RTN4RL1: variants seen among roughly 807,000 people sequenced by gnomAD.
RTN4RL1 encodes the protein reticulon-4 receptor-like 1.
A neutral mutation model predicts 25.6 loss-of-function variants in RTN4RL1; 7 were observed. The ratio of observed to expected loss-of-function variants is 0.27; its 90% CI spans 0.16 to 0.51. The LOEUF is 0.51. Among genes scored for constraint, RTN4RL1 ranks in the 20% least tolerant of loss-of-function variants. The probability of loss-of-function intolerance (pLI) is 0.97; values close to 1 mark genes in which losing one functional copy is unlikely to be tolerated. For missense variants in RTN4RL1, 500 were observed against 615.6 expected, an observed-to-expected ratio of 0.81 and a Z score of 1.99; for synonymous variants, 297 against 288.2, an observed-to-expected ratio of 1.03 and a Z score of -0.31.
intron 1 of RTN4RL1, among the ~76,000 whole-genome samples, chr17:1,961,975 A>AAAAG (rs1567510441): frequency 7.7e-6 from 1 of 129,418 alleles, no homozygotes; most frequent in East Asian, 2.1e-4. Flanking sequence ...GAAAAGAAAG[A>AAAAG]AAAGAAAGAA....
Position 1,980,151 on chromosome 17 carries a change from C to A in RTN4RL1, c.14-42343G>T, listed in dbSNP as rs1472024039. Among the ~76,000 whole-genome samples the A allele has an allele frequency of 2.5e-3, 367 of 149,608 alleles. 2 individuals carry two copies. The highest frequency in any genetic ancestry group is 8.8e-3 in the African/African-American group (344 of 39,092). ...CAATCACGGCTCACCAAAGCCTTGA[C>A]CTCCCAGGCTCAGGTGATCCTCCCA... is the stretch of plus-strand genomic sequence containing the variant. On this transcript the variant is annotated intron_variant, in intron 1 of 1. Coordinates refer to ENST00000331238, the MANE Select transcript of RTN4RL1 (RefSeq NM_178568.4).
chr17:1,979,843 C>T (rs916086424), intron 1 of RTN4RL1, among the ~76,000 whole-genome samples: 18 of 152,142 alleles, frequency 1.2e-4, no homozygotes, highest in African/African-American at 3.6e-4. Context: ...TGCCGCTTAC[C>T]GCTAGGCAGG....
intron 1 of RTN4RL1, among the ~76,000 whole-genome samples, chr17:2,012,939 A>C (rs2067068707): frequency 6.6e-6 from 1 of 152,066 alleles, no homozygotes; most frequent in Admixed American, 6.6e-5. Context: ...AATTATAGGC[A>C]CACGCCACCA....
intron 1 of RTN4RL1, among the ~76,000 whole-genome samples, chr17:1,983,503 A>T (rs966971485): frequency 6.6e-6 from 1 of 152,154 alleles, no homozygotes; most frequent in Non-Finnish European, 1.5e-5. Flanking sequence ...GGCTCAAGCG[A>T]TCCTCCCACC....
At chr17:1,945,806 G>A (rs1408626787) in intron 1 of RTN4RL1, among the ~76,000 whole-genome samples, 1 of 152,226 alleles carries the variant, frequency 6.6e-6, no homozygotes, top group African/African-American at 2.4e-5. Flanking sequence ...AGTACCCTCA[G>A]GGCCCAGAAC....
intron 1 of RTN4RL1, among the ~76,000 whole-genome samples, chr17:2,011,355 G>A (rs2067047260): frequency 6.6e-6 from 1 of 152,248 alleles, no homozygotes; most frequent in Admixed American, 6.5e-5. Flanking sequence ...CTCATCCATG[G>A]ATAAAGAACT....
intron 1 of RTN4RL1, among the ~76,000 whole-genome samples, chr17:1,979,176 G>A (rs1597224232): frequency 6.6e-6 from 1 of 152,348 alleles, no homozygotes; most frequent in East Asian, 1.9e-4. Flanking sequence ...AGGAGGCTGA[G>A]GCAGGAGAAT....
intron 1 of RTN4RL1, among the ~76,000 whole-genome samples, chr17:2,008,269 C>G (rs1305369731): frequency 2.1e-5 from 2 of 93,264 alleles, no homozygotes; most frequent in African/African-American, 4.0e-5. Flanking sequence ...GACTCCATCT[C>G]AAAAAAAAAA....
chr17:1,984,190 C>G (rs1015410895), intron 1 of RTN4RL1, among the ~76,000 whole-genome samples: 2 of 152,212 alleles, frequency 1.3e-5, no homozygotes, highest in African/African-American at 4.8e-5. Flanking sequence ...ATTCTCCCCC[C>G]TAAAATGCAC....
At position 1,942,239 on chromosome 17, in the gene RTN4RL1, G is replaced by T. The variant is rs565023625; in HGVS notation, c.14-4431C>A. ...TGCTCGGGTATCCCCAAACCTCCTG[G>T]CCTCCCACATGCCTGAGCTCACCCG... On this transcript the variant is annotated intron_variant, in intron 1 of 1. Coordinates refer to ENST00000331238, the MANE Select transcript of RTN4RL1 (RefSeq NM_178568.4). Among the ~76,000 whole-genome samples, 10 of 152,238 alleles carry T rather than the reference G, an allele frequency of 6.6e-5. No individual in the cohort carries two copies. The South Asian group carries it at 1.4e-3, about 22-fold the overall frequency.
chr17:2,002,348 A>C (rs1019406077), intron 1 of RTN4RL1, among the ~76,000 whole-genome samples: 2 of 147,242 alleles, frequency 1.4e-5, no homozygotes, highest in Non-Finnish European at 3.0e-5. Flanking sequence ...GCTGGAGTGC[A>C]GTGGCGCGAT....
intron 1 of RTN4RL1, among the ~76,000 whole-genome samples, chr17:1,962,786 C>T (rs941830653): frequency 6.7e-6 from 1 of 150,094 alleles, no homozygotes; most frequent in African/African-American, 2.5e-5. Context: ...TAGCTTGAAC[C>T]AGGAGGCAGA....
chr17:1,991,754 G>C (rs184691351), intron 1 of RTN4RL1, among the ~76,000 whole-genome samples: 1 of 152,280 alleles, frequency 6.6e-6, no homozygotes, highest in East Asian at 1.9e-4. Context: ...CCATCGCACG[G>C]GGGTGTTGTC....
At chr17:1,950,986 C>T (rs1394207626) in intron 1 of RTN4RL1, among the ~76,000 whole-genome samples, 1 of 150,586 alleles carries the variant, frequency 6.6e-6, no homozygotes, top group Non-Finnish European at 1.5e-5. Flanking sequence ...TACTCCATGG[C>T]TGGGCGCGGT....
At chr17:2,008,619 C>T (rs977940591) in intron 1 of RTN4RL1, among the ~76,000 whole-genome samples, 2 of 152,148 alleles carry the variant, frequency 1.3e-5, no homozygotes, top group Non-Finnish European at 2.9e-5. Flanking sequence ...GCTGTTGAGT[C>T]AACCAACCTC....
At chr17:1,984,921 C>G (rs889191249) in intron 1 of RTN4RL1, among the ~76,000 whole-genome samples, 1 of 152,054 alleles carries the variant, frequency 6.6e-6, no homozygotes, top group African/African-American at 2.4e-5. Flanking sequence ...GAGCCGAGAT[C>G]CTGCCACTGC....
At chr17:2,012,336 C>T (rs2067060740) in intron 1 of RTN4RL1, among the ~76,000 whole-genome samples, 1 of 152,232 alleles carries the variant, frequency 6.6e-6, no homozygotes, top group Non-Finnish European at 1.5e-5. Context: ...TTCCTGGAGC[C>T]ACAAGGAACA....
At chr17:1,949,043 G>A (rs916935609) in intron 1 of RTN4RL1, among the ~76,000 whole-genome samples, 3 of 152,012 alleles carry the variant, frequency 2.0e-5, no homozygotes, top group African/African-American at 4.8e-5. Context: ...TGCAAGCTCC[G>A]CCTCCCGGGT....
At chr17:1,978,194 C>A (rs2066851628) in intron 1 of RTN4RL1, among the ~76,000 whole-genome samples, 1 of 152,228 alleles carries the variant, frequency 6.6e-6, no homozygotes, top group African/African-American at 2.4e-5. Context: ...GGTGCTCCTG[C>A]CGCCTCTGCT....
Sources: allele counts gnomAD v4.1 joint callset (sites outside exome capture counted in the v4.1 genomes callset), GRCh38; gene constraint gnomAD v4.1.1; transcripts MANE v1.5; gene names NCBI Gene and HGNC (gene_info 2026-07-23, HGNC 2026-07-21).